The following SFT2D1 variants were observed in gnomAD, a reference collection of about 807,000 sequenced individuals.
SFT2D1 encodes the protein SFT2 domain containing 1, also known as vesicle transport protein SFT2A.
A neutral mutation model predicts 28.1 loss-of-function variants in SFT2D1; 24 were observed. That is an observed-to-expected ratio of 0.85 (90% confidence interval 0.62 to 1.20). The LOEUF is 1.20. SFT2D1 is among the 50% of genes most tolerant of loss of function. The pLI, the probability that SFT2D1 is intolerant of heterozygous loss-of-function variation, is 0.00. For missense variants in SFT2D1, 181 were observed against 190.9 expected (o/e 0.95, Z 0.31); for synonymous variants, 82 against 73.7 (o/e 1.11, Z -0.58).
chr6:166,336,948 TGGG>T (rs760565664), intron 1 of SFT2D1, among the ~76,000 whole-genome samples: 3 of 152,118 alleles, frequency 2.0e-5, no homozygotes, highest in Non-Finnish European at 4.4e-5. Flanking sequence ...ACCATCACAT[TGGG>T]GATTAAGTTT....
intron 1 of SFT2D1, among the ~76,000 whole-genome samples, chr6:166,341,760 CCTT>C (rs1209861469): frequency 6.6e-6 from 1 of 152,034 alleles, no homozygotes; most frequent in Admixed American, 6.5e-5. Flanking sequence ...CTACTTTTAA[CCTT>C]CTTGCTGGAG....
At position 166,319,946 on chromosome 6, in the gene SFT2D1, A is replaced by G. The variant is rs1368194128; in HGVS notation, c.*271T>C. ...TTTCAAAGCTGCTTTGAAAAGATTTAAAAATTGGCTAAAAATAATTTACAA... is the reference window on the plus strand; with the variant it reads ...TTTCAAAGCTGCTTTGAAAAGATTTGAAAATTGGCTAAAAATAATTTACAA... On this transcript the variant is annotated 3_prime_UTR_variant, in exon 8 of 8. Coordinates refer to ENST00000361731, the MANE Select transcript of SFT2D1 (RefSeq NM_145169.3). 6.0e-6 allele frequency: 2 copies of G among 331,500 alleles called. No homozygotes were observed. The highest frequency in any genetic ancestry group is 4.3e-5 in the African/African-American group (2 of 46,222). 20.5% of individuals were successfully genotyped at this position (331,500 alleles called of 1,614,324 possible). A position where few individuals can be genotyped will look rare whatever the true frequency, so the allele number is the denominator to read the frequency against.
chr6:166,333,709 AG>A (rs1778593661), intron 1 of SFT2D1, among the ~76,000 whole-genome samples: 1 of 152,152 alleles, frequency 6.6e-6, no homozygotes, highest in South Asian at 2.1e-4. Flanking sequence ...AGTCCTCATC[AG>A]CCCCCCATGG....
chr6:166,333,428 G>A (rs1467066422), intron 1 of SFT2D1, among the ~76,000 whole-genome samples: 2 of 152,120 alleles, frequency 1.3e-5, no homozygotes, highest in Non-Finnish European at 2.9e-5. Flanking sequence ...TTACACCATC[G>A]CCAAAATTCC....
chr6:166,320,677 ATT>A (rs34662866), intron 7 of SFT2D1, among the ~76,000 whole-genome samples: 68,917 of 143,086 alleles, frequency 0.48, 16,632 homozygotes, highest in South Asian at 0.59. Flanking sequence ...CACTACACTA[ATT>A]TTTTTTTTTT....
intron 1 of SFT2D1, among the ~76,000 whole-genome samples, 177 bp downstream of exon 1, chr6:166,342,242 A>C (rs1044866447): frequency 6.6e-6 from 1 of 152,194 alleles, no homozygotes; most frequent in African/African-American, 2.4e-5. Flanking sequence ...CCGCATGGAA[A>C]ACTGGAAAGT....
Position 166,327,859 on chromosome 6 carries a change from G to A in SFT2D1, c.315+417C>T, listed in dbSNP as rs1169965256. ...CTTGTTGGCCAGTCTGGAGTGCAAT[G>A]GTGTGATCTTGGCTCACTGCAACCT... On this transcript the variant is annotated intron_variant, in intron 4 of 7. Coordinates refer to ENST00000361731, the MANE Select transcript of SFT2D1 (RefSeq NM_145169.3). 3.0e-4 allele frequency among the ~76,000 whole-genome samples: 45 copies of A among 152,054 alleles called. 1 individual carries two copies. The highest frequency in any genetic ancestry group is 1.2e-4 in the Non-Finnish European group (8 of 68,012).
chr6:166,334,982 ATGAC>A, intron 1 of SFT2D1: 2 of 481,708 alleles, frequency 4.2e-6, no homozygotes, highest in South Asian at 3.4e-5. Flanking sequence ...GACTGAAATC[ATGAC>A]TGACAGAGGT....
intron 6 of SFT2D1, chr6:166,323,198 C>T (rs567871272): frequency 3.8e-6 from 1 of 264,912 alleles, no homozygotes; most frequent in South Asian, 1.6e-4. Context: ...AACTGTACCA[C>T]AACTGATAAT....
At chr6:166,342,303 G>C in intron 1 of SFT2D1, 116 bp downstream of exon 1, 1 of 862,620 alleles carries the variant, frequency 1.2e-6, no homozygotes, top group Non-Finnish European at 1.7e-6. Context: ...TCAACCAGCC[G>C]GGCAGAGGAG....
rs1393077240 is a variant in SFT2D1 at position 166,320,136 on chromosome 6, G to A, written c.*81C>T. On this transcript the variant is annotated 3_prime_UTR_variant, in exon 8 of 8. Transcript: ENST00000361731. ...TCAACTGTCACGTCAGTTGTTCCTG[G>A]AGTGTTTTATGGGGAAAAGCAAACT... 1 of 1,317,266 alleles carries A rather than the reference G, an allele frequency of 7.6e-7. No homozygotes were observed. Among genetic ancestry groups the A allele is most frequent in the East Asian group, 2.3e-5 (1 of 42,926 alleles). 81.6% of individuals were successfully genotyped at this position (1,317,266 alleles called of 1,614,324 possible). A position where few individuals can be genotyped will look rare whatever the true frequency, so the allele number is the denominator to read the frequency against.
At chr6:166,334,187 T>C (rs1486623111) in intron 1 of SFT2D1, among the ~76,000 whole-genome samples, 1 of 152,206 alleles carries the variant, frequency 6.6e-6, no homozygotes, top group African/African-American at 2.4e-5. Flanking sequence ...CATCCATCCA[T>C]CCATCCATCC....
chr6:166,340,300 T>C (rs1223433915), intron 1 of SFT2D1, among the ~76,000 whole-genome samples: 1 of 152,272 alleles, frequency 6.6e-6, no homozygotes. Context: ...TCCACAGAGC[T>C]GCCAGAGTGA....
intron 1 of SFT2D1, among the ~76,000 whole-genome samples, chr6:166,338,156 T>C (rs1778694498): frequency 2.0e-5 from 3 of 152,328 alleles, no homozygotes; most frequent in African/African-American, 2.4e-5. Flanking sequence ...GACTAAGACA[T>C]CTCGCAAATT....
chr6:166,340,645 C>G (rs1395157638), intron 1 of SFT2D1, among the ~76,000 whole-genome samples: 2 of 152,316 alleles, frequency 1.3e-5, no homozygotes, highest in Non-Finnish European at 2.9e-5. Context: ...GAGGCCTTAT[C>G]TAAGTAATAT....
At chr6:166,336,912 A>T (rs762071946) in intron 1 of SFT2D1, among the ~76,000 whole-genome samples, 2 of 152,158 alleles carry the variant, frequency 1.3e-5, no homozygotes, top group African/African-American at 4.8e-5. Flanking sequence ...ATTCCTAATC[A>T]CATCCCAAAG....
chr6:166,325,367 C>T (rs1778424750), intron 5 of SFT2D1, among the ~76,000 whole-genome samples: 1 of 152,046 alleles, frequency 6.6e-6, no homozygotes, highest in East Asian at 1.9e-4. Flanking sequence ...AGTTCAAGAA[C>T]TGCTTCAAAC....
At chr6:166,340,853 G>A (rs1008571756) in intron 1 of SFT2D1, among the ~76,000 whole-genome samples, 7 of 152,162 alleles carry the variant, frequency 4.6e-5, no homozygotes, top group Admixed American at 3.9e-4. Flanking sequence ...GTTAATGAAC[G>A]ATCACCTCCT....
chr6:166,326,274 CA>C lies in SFT2D1; in HGVS notation c.316-108del, dbSNP rs772997570. 7.2e-5 allele frequency: 65 copies of C among 901,054 alleles called. 1 individual carries two copies. In the Middle Eastern group the frequency reaches 8.9e-4, roughly 12 times the overall value. The allele number at this position is 901,054 out of a possible 1,614,324, so 55.8% of individuals were successfully genotyped here. A position where few individuals can be genotyped will look rare whatever the true frequency, so the allele number is the denominator to read the frequency against. ...TTTACATAGGGAATATACTATAGAA[CA>C]AAAATAAGAATACAGCTGAATAGTT... On this transcript the variant is annotated intron_variant, in intron 4 of 7. Transcript: ENST00000361731.
Sources: gnomAD v4.1 joint callset for allele counts (sites outside exome capture counted in the v4.1 genomes callset) on GRCh38, gnomAD v4.1.1 for gene constraint, MANE v1.5 for transcripts, NCBI Gene and HGNC (gene_info 2026-07-23, HGNC 2026-07-21) for gene names.